The following CDH22 variants were observed in gnomAD, a reference collection of about 807,000 sequenced individuals.
CDH22 encodes cadherin-22.
A neutral mutation model predicts 58.4 loss-of-function variants in CDH22; 30 were observed. The observed-to-expected ratio is 0.51, with a 90% CI of 0.38 to 0.70. The LOEUF (loss-of-function observed/expected upper bound fraction) is 0.70, where lower values mean the gene tolerates loss of function less well. Ranked by LOEUF, CDH22 falls within the 30% of genes least tolerant of loss-of-function variation. CDH22 has a pLI of 0.00. For synonymous variants in CDH22, 513 were observed against 558.2 expected (o/e 0.92, Z 1.14); for missense variants, 1,014 against 1,233.9 (o/e 0.82, Z 2.67).
At chr20:46,208,073 C>T (rs1179556632) in intron 7 of CDH22, among the ~76,000 whole-genome samples, 2 of 152,200 alleles carry the variant, frequency 1.3e-5, no homozygotes, top group Non-Finnish European at 2.9e-5. Context: ...CTTTCCCTCC[C>T]CCTCTCCTCA....
At chr20:46,293,289 T>C (rs2086613288) in intron 1 of CDH22, among the ~76,000 whole-genome samples, 1 of 152,158 alleles carries the variant, frequency 6.6e-6, no homozygotes, top group South Asian at 2.1e-4. Flanking sequence ...TTATAAAAAA[T>C]GCTTTTATCC....
chr20:46,250,997 C>T (rs763321084), intron 2 of CDH22, 43 bp downstream of exon 2: 1 of 1,292,962 alleles, frequency 7.7e-7, no homozygotes, highest in Non-Finnish European at 1.1e-6. Flanking sequence ...GTGGGTGTCC[C>T]CAGGGTCCTG....
chr20:46,179,030 G>A (rs1300097891), intron 10 of CDH22, among the ~76,000 whole-genome samples: 1 of 152,264 alleles, frequency 6.6e-6, no homozygotes, highest in Non-Finnish European at 1.5e-5. Context: ...GACGCAGGGG[G>A]ATGGTGGCTG....
Position 46,222,125 on chromosome 20 carries a change from C to T in CDH22, c.671-5132G>A, listed in dbSNP as rs552949086. 9.2e-5 allele frequency among the ~76,000 whole-genome samples: 14 copies of T among 152,318 alleles called. No individual in the cohort carries two copies. In the South Asian group the frequency reaches 2.9e-3, roughly 32 times the overall value. On this transcript the variant is annotated intron_variant, in intron 4 of 11. Coordinates refer to ENST00000537909, the MANE Select transcript of CDH22 (RefSeq NM_021248.3). ...CCACCTGGTAGGGCTGTTGAGAGGA[C>T]TGAATGAGAGGAAGCTTCCAGCAGC...
chr20:46,207,022 A>G (rs1440715235), intron 7 of CDH22, among the ~76,000 whole-genome samples: 3 of 152,124 alleles, frequency 2.0e-5, no homozygotes, highest in Non-Finnish European at 4.4e-5. Flanking sequence ...TGTACCCCAC[A>G]GTCTGGGAGC....
intron 8 of CDH22, among the ~76,000 whole-genome samples, chr20:46,190,797 CG>C (rs547368238): frequency 6.6e-6 from 1 of 152,060 alleles, no homozygotes; most frequent in South Asian, 2.1e-4. Context: ...ACCATTAATC[CG>C]GGGGGGTGGC....
intron 1 of CDH22, among the ~76,000 whole-genome samples, chr20:46,269,957 G>T (rs1441702421): frequency 2.0e-5 from 3 of 152,204 alleles, no homozygotes; most frequent in Non-Finnish European, 4.4e-5. Flanking sequence ...CCAGTATGTA[G>T]TAGGTGCTCA....
chr20:46,241,311 G>A lies in CDH22; in HGVS notation c.256-54C>T. 1 of 1,471,110 alleles carries A rather than the reference G, an allele frequency of 6.8e-7. No homozygotes were observed. 91.1% of individuals were successfully genotyped at this position (1,471,110 alleles called of 1,614,324 possible). Reference sequence around the variant, plus strand: ...GAGGCTGAGAAGGAAGCTCCTCTTGGCCTCACTGTCTCATGCCATTGGCTG... The same window carrying A: ...GAGGCTGAGAAGGAAGCTCCTCTTGACCTCACTGTCTCATGCCATTGGCTG... On this transcript the variant is annotated intron_variant, in intron 2 of 11. Coordinates refer to ENST00000537909, the MANE Select transcript of CDH22 (RefSeq NM_021248.3). This position sits in a 1 kb window ranked among gnomAD's most constrained non-coding sequence, Gnocchi z 5.2.
chr20:46,248,974 G>A (rs1315766248), intron 2 of CDH22, among the ~76,000 whole-genome samples: 1 of 152,190 alleles, frequency 6.6e-6, no homozygotes, highest in Non-Finnish European at 1.5e-5. Context: ...TGCAGTTTAA[G>A]GGTTAAGTAC....
chr20:46,238,197 C>T (rs983359281), intron 3 of CDH22, among the ~76,000 whole-genome samples: 1 of 152,230 alleles, frequency 6.6e-6, no homozygotes, highest in African/African-American at 2.4e-5. Context: ...TCTCTAGCAT[C>T]AGCTCTCCCC....
chr20:46,178,545 T>C (rs2085758676), intron 10 of CDH22, among the ~76,000 whole-genome samples: 1 of 150,328 alleles, frequency 6.7e-6, no homozygotes, highest in African/African-American at 2.4e-5. Context: ...TATTCCCAGA[T>C]TCCGTCCCCA....
At chr20:46,212,963 T>C (rs762691963) in intron 6 of CDH22, 32 bp downstream of exon 6, 1 of 1,597,896 alleles carries the variant, frequency 6.3e-7, no homozygotes, top group South Asian at 1.1e-5. Flanking sequence ...CCCTGAGGCC[T>C]GCCTCCCCCA....
At position 46,210,397 on chromosome 20, in the gene CDH22, C is replaced by T. The variant is rs573144704; in HGVS notation, c.1196G>A (p.Gly399Asp). 3.0e-4 allele frequency: 447 copies of T among 1,465,674 alleles called. No homozygotes were observed. The highest frequency in any genetic ancestry group is 1.2e-3 in the Admixed American group (47 of 37,994). 90.8% of individuals were successfully genotyped at this position (1,465,674 alleles called of 1,614,324 possible). A position where few individuals can be genotyped will look rare whatever the true frequency, so the allele number is the denominator to read the frequency against. ...CGCGTCCTCCTGCACCTCCAGGAGG[C>T]CGGAGGGCGGCCGGAACTCGGGGGG... The part of the protein sequence containing the change: ...DEPPEFRPPS[G>D]LLEVQEDAQV... Residue 399 changes from glycine (G) to aspartate (D), a missense_variant, in exon 7 of 12, where the codon GGC (glycine) becomes GAC (aspartate). By Grantham distance (94) the Gly-to-Asp change is moderately conservative. This residue lies in a region of CDH22 where 806 missense variants were observed against 1,038.7 expected (regional missense o/e 0.78). Coordinates refer to ENST00000537909, the MANE Select transcript of CDH22 (RefSeq NM_021248.3). This position sits in a 1 kb window ranked among gnomAD's most constrained non-coding sequence, Gnocchi z 4.5.
At chr20:46,226,874 C>G (rs983038851) in intron 4 of CDH22, among the ~76,000 whole-genome samples, 1 of 152,170 alleles carries the variant, frequency 6.6e-6, no homozygotes, top group African/African-American at 2.4e-5. Context: ...CTGTCCTCCT[C>G]GCACTCCCCC....
intron 1 of CDH22, among the ~76,000 whole-genome samples, chr20:46,278,119 C>T (rs1003508637): frequency 6.6e-6 from 1 of 151,996 alleles, no homozygotes; most frequent in African/African-American, 2.4e-5. Context: ...GGGGTGGGGG[C>T]CCCAGGGAGC....
intron 1 of CDH22, among the ~76,000 whole-genome samples, chr20:46,285,650 G>T (rs1461066232): frequency 6.6e-6 from 1 of 152,212 alleles, no homozygotes; most frequent in Non-Finnish European, 1.5e-5. Context: ...TTACCTCAGA[G>T]TTGGGGATAG....
At position 46,240,993 on chromosome 20, in the gene CDH22, T is replaced by C; in HGVS notation, c.520A>G (p.Ile174Val). 6.2e-7 allele frequency: 1 copy of C among 1,613,614 alleles called. No homozygotes were observed. Among genetic ancestry groups the C allele is most frequent in the Non-Finnish European group, 8.5e-7 (1 of 1,179,798 alleles). Residue 174 changes from isoleucine to valine, a missense_variant, in exon 3 of 12, where the codon ATT becomes GTT. Ile to Val is a conservative substitution (Grantham distance 29, BLOSUM62 3). Transcript: ENST00000537909. The stretch of plus-strand genomic sequence containing the variant: ...GGTGAGAGCTCGGCCACGCTGCCAA[T>C]ATAGGGGCCGTGCAGGAAGCGGGGC... ...SEPRFLHGPY[I>V]GSVAELSPTG...
At chr20:46,225,882 T>C (rs1007893001) in intron 4 of CDH22, among the ~76,000 whole-genome samples, 8 of 152,174 alleles carry the variant, frequency 5.3e-5, no homozygotes, top group Non-Finnish European at 7.3e-5. Context: ...AGATACTTTG[T>C]GTGAGAAAAT....
intron 3 of CDH22, among the ~76,000 whole-genome samples, chr20:46,236,683 A>ATCTG (rs1341244666): frequency 7.6e-6 from 1 of 131,434 alleles, no homozygotes; most frequent in African/African-American, 3.2e-5. Context: ...CTATCTATCT[A>ATCTG]TATATACATA....
Sources: gnomAD v4.1 joint callset for allele counts (sites outside exome capture counted in the v4.1 genomes callset) on GRCh38, gnomAD v4.1.1 for gene constraint, gnomAD v4.1.1 regional missense constraint, Gnocchi (gnomAD v3.1) non-coding constraint, MANE v1.5 for transcripts, NCBI Gene and HGNC (gene_info 2026-07-23, HGNC 2026-07-21) for gene names.